IKBKB: variants seen among roughly 807,000 people sequenced by gnomAD.
IKBKB encodes the protein inhibitor of nuclear factor kappa-B kinase subunit beta.
IKBKB carries 42 observed loss-of-function variants against 113.6 expected under a neutral mutation model. The ratio of observed to expected loss-of-function variants is 0.37; its 90% CI spans 0.29 to 0.48. The LOEUF is 0.48. IKBKB is among the 20% of genes least tolerant of loss of function. IKBKB has a pLI of 0.99. For synonymous variants in IKBKB, 296 were observed against 361.3 expected (o/e 0.82, Z 2.05); for missense variants, 673 against 939.7 (o/e 0.72, Z 3.71).
intron 1 of IKBKB, 135 bp from the exon 2 acceptor site, chr8:42,271,948 T>C: frequency 1.0e-6 from 1 of 997,408 alleles, no homozygotes; most frequent in Non-Finnish European, 1.4e-6. Flanking sequence ...ATTGGTTTCT[T>C]TACAAAATAA....
intron 13 of IKBKB, chr8:42,318,902 G>T: frequency 1.8e-6 from 1 of 542,034 alleles, no homozygotes; most frequent in South Asian, 2.4e-5. Context: ...GTGTGGAACT[G>T]AAGCTGGGCT....
chr8:42,329,717 G>C, intron 21 of IKBKB: 1 of 985,394 alleles, frequency 1.0e-6, no homozygotes, highest in South Asian at 4.7e-5. Context: ...TGAGTGCTGG[G>C]CTGGGAGCAG....
chr8:42,316,106 A>T lies in IKBKB; in HGVS notation c.801-104A>T. On this transcript the variant is annotated intron_variant, in intron 9 of 21. Transcript: ENST00000520810. This position sits in a 1 kb window ranked among gnomAD's most constrained non-coding sequence, Gnocchi z 4.5. The stretch of plus-strand genomic sequence containing the variant: ...TTCTGATAAACCCATTTTCATTTTC[A>T]ATCACCGTCTACTGGCTGCCGTCTG... The T allele has an allele frequency of 7.9e-7, 1 of 1,272,664 alleles. No individual in the cohort carries two copies. Among genetic ancestry groups the T allele is most frequent in the Non-Finnish European group, 1.1e-6 (1 of 916,992 alleles). The allele number at this position is 1,272,664 out of a possible 1,614,324, so 78.8% of individuals were successfully genotyped here.
At chr8:42,330,029 T>C in intron 21 of IKBKB, 11 of 985,448 alleles carry the variant, frequency 1.1e-5, no homozygotes, top group Non-Finnish European at 1.3e-5. Context: ...CTCCTCCTCC[T>C]GGCATGATAA....
chr8:42,317,509 C>T (rs1403999323), intron 11 of IKBKB, 148 bp from the exon 12 acceptor site: 5 of 632,838 alleles, frequency 7.9e-6, no homozygotes, highest in South Asian at 1.9e-5. Flanking sequence ...TGGCTGGAAA[C>T]GTTAAACACT....
chr8:42,277,424 C>T (rs1173414091), intron 2 of IKBKB, among the ~76,000 whole-genome samples: 1 of 151,894 alleles, frequency 6.6e-6, no homozygotes, highest in Non-Finnish European at 1.5e-5. Flanking sequence ...CTCAAGTGAT[C>T]TGCCCACCTT....
At chr8:42,296,881 G>A (rs1224985937) in intron 5 of IKBKB, among the ~76,000 whole-genome samples, 2 of 152,200 alleles carry the variant, frequency 1.3e-5, no homozygotes, top group Non-Finnish European at 2.9e-5. Context: ...AATAAAATGA[G>A]GTGATATAAA....
At chr8:42,318,064 C>T (rs925869391) in intron 12 of IKBKB, among the ~76,000 whole-genome samples, 2 of 152,048 alleles carry the variant, frequency 1.3e-5, no homozygotes, top group African/African-American at 4.8e-5. Flanking sequence ...GAGTTCAAGA[C>T]CAGCCTGGGT....
In IKBKB at chr8:42,331,592, A is replaced by G. The variant is rs1251366184; in HGVS notation, c.*613A>G. On this transcript the variant is annotated 3_prime_UTR_variant, in exon 22 of 22. Transcript: ENST00000520810. Reference sequence around the variant, plus strand: ...CTCTTTTTATTTCACTGCTGCTAAAATTGTGTTTTTACCTACTACTTTGGT... The same window carrying G: ...CTCTTTTTATTTCACTGCTGCTAAAGTTGTGTTTTTACCTACTACTTTGGT... The G allele has an allele frequency of 3.0e-5, 18 of 595,256 alleles. No homozygotes were observed. Among genetic ancestry groups the G allele is most frequent in the Middle Eastern group, 8.8e-4 (2 of 2,278 alleles). 36.9% of individuals were successfully genotyped at this position (595,256 alleles called of 1,614,324 possible). A position where few individuals can be genotyped will look rare whatever the true frequency, so the allele number is the denominator to read the frequency against.
In IKBKB at chr8:42,308,976, T is replaced by G. The variant is rs1408743902; in HGVS notation, c.643T>G (p.Cys215Gly). ...GAGCTTCGGCACCCTGGCCTTTGAGTGCATCACGGGCTTCCGGCCCTTCCT... is the reference window on the plus strand; with the variant it reads ...GAGCTTCGGCACCCTGGCCTTTGAGGGCATCACGGGCTTCCGGCCCTTCCT... ...YWSFGTLAFE[C>G]ITGFRPFLPN... Residue 215 changes from cysteine (C) to glycine (G), a missense_variant, in exon 8 of 22, where the codon TGC (cysteine) becomes GGC (glycine). Around this residue, in one of 2 missense-constraint regions of IKBKB, gnomAD observed 167 missense variants for 301.0 expected, o/e 0.55. Coordinates refer to ENST00000520810, the MANE Select transcript of IKBKB (RefSeq NM_001556.3). The G allele has an allele frequency of 2.5e-6, 4 of 1,614,152 alleles. No individual in the cohort carries two copies. The highest frequency in any genetic ancestry group is 3.4e-6 in the Non-Finnish European group (4 of 1,180,008).
At chr8:42,281,596 C>T (rs376820996) in intron 2 of IKBKB, among the ~76,000 whole-genome samples, 4 of 152,078 alleles carry the variant, frequency 2.6e-5, no homozygotes, top group Admixed American at 6.6e-5. Context: ...GTAGACCAGG[C>T]GATGCTGGGG....
rs191073918 is a variant in IKBKB at position 42,327,471 on chromosome 8, C to G, written c.2114+1374C>G. On this transcript the variant is annotated intron_variant, in intron 20 of 21. Coordinates refer to ENST00000520810, the MANE Select transcript of IKBKB (RefSeq NM_001556.3). ...GCCTCAGCCTCCCGAGTAGCTGGGA[C>G]TACAGGTGCATGCCACCACAACCGG... 3.4e-3 allele frequency among the ~76,000 whole-genome samples: 515 copies of G among 150,346 alleles called. 5 individuals are homozygous for G. Among genetic ancestry groups the G allele is most frequent in the African/African-American group, 0.012 (487 of 40,888 alleles).
intron 2 of IKBKB, among the ~76,000 whole-genome samples, chr8:42,273,828 C>T (rs951942367): frequency 6.6e-6 from 1 of 152,078 alleles, no homozygotes; most frequent in African/African-American, 2.4e-5. Flanking sequence ...GCTGGGATTA[C>T]AGCCATGAGT....
At chr8:42,284,715 A>G (rs1186747029) in intron 2 of IKBKB, among the ~76,000 whole-genome samples, 1 of 152,200 alleles carries the variant, frequency 6.6e-6, no homozygotes, top group African/African-American at 2.4e-5. Context: ...CTACCACAGA[A>G]CTGGGCAAAA....
rs941606939 is a variant in IKBKB, at chr8:42,331,204, C to T, written c.*225C>T. 1 of 759,902 alleles carries T rather than the reference C, an allele frequency of 1.3e-6. No homozygotes were observed. The highest frequency in any genetic ancestry group is 1.7e-5 in the African/African-American group (1 of 58,444). 47.1% of individuals were successfully genotyped at this position (759,902 alleles called of 1,614,324 possible). ...GCAGCTGTGACTTTCACCCAGGACC[C>T]AGGACGCAGCCCTCCGTGGGCACTG... On this transcript the variant is annotated 3_prime_UTR_variant, in exon 22 of 22. Transcript: ENST00000520810.
Position 42,331,160 on chromosome 8 carries a change from T to C in IKBKB, c.*181T>C. The C allele has an allele frequency of 1.1e-6, 1 of 927,060 alleles. No homozygotes were observed. The highest frequency in any genetic ancestry group is 1.7e-6 in the Non-Finnish European group (1 of 593,068). 57.4% of individuals were successfully genotyped at this position (927,060 alleles called of 1,614,324 possible). A position where few individuals can be genotyped will look rare whatever the true frequency, so the allele number is the denominator to read the frequency against. Reference sequence around the variant, plus strand: ...GGCCCAGGGGTCTCTGGTATCCAGATGGAGCTCTCGCTTCCTCAGCAGCTG... The same window carrying C: ...GGCCCAGGGGTCTCTGGTATCCAGACGGAGCTCTCGCTTCCTCAGCAGCTG... On this transcript the variant is annotated 3_prime_UTR_variant, in exon 22 of 22. Coordinates refer to ENST00000520810, the MANE Select transcript of IKBKB (RefSeq NM_001556.3).
Position 42,319,653 on chromosome 8 carries a change from G to A in IKBKB, c.1578+7G>A. The A allele has an allele frequency of 1.9e-6, 3 of 1,581,832 alleles. No homozygotes were observed. The highest frequency in any genetic ancestry group is 2.6e-6 in the Non-Finnish European group (3 of 1,169,436). On this transcript the variant is annotated splice_region_variant and intron_variant, in intron 15 of 21. Transcript: ENST00000520810. ...TGTGGAGCTCTGTGGGCGGGTAGGA[G>A]ACTCATTTTGGGTTTCGGAACTTAC...
chr8:42,307,753 A>C (rs911585161), intron 7 of IKBKB, among the ~76,000 whole-genome samples: 1 of 152,150 alleles, frequency 6.6e-6, no homozygotes, highest in Non-Finnish European at 1.5e-5. Flanking sequence ...CCCATGCTCT[A>C]ACCAGGAGCT....
rs541135654 is a variant in IKBKB, at chr8:42,299,898, A to G, written c.389-5289A>G. ...CTCATTTGCTCCTTTGACGCTTGGCATTGCCATTACTGCTCTGTGATTTCT... is the reference window on the plus strand; with the variant it reads ...CTCATTTGCTCCTTTGACGCTTGGCGTTGCCATTACTGCTCTGTGATTTCT... On this transcript the variant is annotated intron_variant, in intron 5 of 21. Coordinates refer to ENST00000520810, the MANE Select transcript of IKBKB (RefSeq NM_001556.3). 1.1e-4 allele frequency among the ~76,000 whole-genome samples: 16 copies of G among 152,268 alleles called. No individual in the cohort carries two copies. The East Asian group carries it at 2.3e-3, about 22-fold the overall frequency.
Sources: gnomAD v4.1 joint callset for allele counts (sites outside exome capture counted in the v4.1 genomes callset) on GRCh38, gnomAD v4.1.1 for gene constraint, gnomAD v4.1.1 regional missense constraint, Gnocchi (gnomAD v3.1) non-coding constraint, MANE v1.5 for transcripts, NCBI Gene and HGNC (gene_info 2026-07-23, HGNC 2026-07-21) for gene names.